Variants in CRIM1 observed in about 807,000 individuals in gnomAD.
The protein encoded by CRIM1 is cysteine rich transmembrane BMP regulator 1.
Under a neutral mutation model 116.4 loss-of-function variants are expected in CRIM1, and 32 were observed. The observed-to-expected ratio is 0.27, with a 90% CI of 0.21 to 0.37. CRIM1 has a LOEUF of 0.37. CRIM1 is among the 10% of genes least tolerant of loss of function. The pLI is 1.00. For missense variants in CRIM1, 1,331 were observed against 1,354.8 expected, an observed-to-expected ratio of 0.98 and a Z score of 0.28; for synonymous variants, 590 against 509.2, an observed-to-expected ratio of 1.16 and a Z score of -2.13.
chr2:36,423,750 A>G (rs1234233035), intron 2 of CRIM1, among the ~76,000 whole-genome samples: 1 of 152,206 alleles, frequency 6.6e-6, no homozygotes, highest in Non-Finnish European at 1.5e-5. Flanking sequence ...TTTTGTAACT[A>G]TTTAAAGGTC....
intron 2 of CRIM1, among the ~76,000 whole-genome samples, chr2:36,415,528 A>T (rs1293544724): frequency 1.3e-5 from 2 of 152,158 alleles, no homozygotes; most frequent in African/African-American, 4.8e-5. Context: ...AACACAACCC[A>T]TATCCCAATT....
chr2:36,495,475 A>ATTTTTTTTTTTTTT (rs1024205619), intron 7 of CRIM1, among the ~76,000 whole-genome samples: 1 of 129,640 alleles, frequency 7.7e-6, no homozygotes, highest in Non-Finnish European at 1.7e-5. Flanking sequence ...TTATTTATTT[A>ATTTTTTTTTTTTTT]TTTTTTTTTT....
Position 36,356,233 on chromosome 2 carries a change from G to T in CRIM1, c.-60G>T. ...GGCGGCGCGTGTGCCCCGCGCAGGG[G>T]AGGGCGCCCGCCCCGCTCCCGGCCC... On this transcript the variant is annotated 5_prime_UTR_variant, in exon 1 of 17. Coordinates refer to ENST00000280527, the MANE Select transcript of CRIM1 (RefSeq NM_016441.3). This position sits in a 1 kb window ranked among gnomAD's most constrained non-coding sequence, Gnocchi z 4.3. 2.0e-6 allele frequency: 2 copies of T among 1,020,836 alleles called. No homozygotes were observed. Among genetic ancestry groups the T allele is most frequent in the Middle Eastern group, 3.4e-4 (1 of 2,956 alleles). 63.2% of individuals were successfully genotyped at this position (1,020,836 alleles called of 1,614,324 possible). A position where few individuals can be genotyped will look rare whatever the true frequency, so the allele number is the denominator to read the frequency against.
At chr2:36,515,631 C>G (rs1664988541) in intron 11 of CRIM1, among the ~76,000 whole-genome samples, 1 of 152,180 alleles carries the variant, frequency 6.6e-6, no homozygotes, top group Non-Finnish European at 1.5e-5. Flanking sequence ...ATGATAGTGT[C>G]TCTCAGATTT....
intron 4 of CRIM1, among the ~76,000 whole-genome samples, chr2:36,460,830 G>A (rs960596204): frequency 6.6e-6 from 1 of 152,208 alleles, no homozygotes; most frequent in Non-Finnish European, 1.5e-5. Context: ...GAAAGAGGGT[G>A]CTGTAAGAAA....
intron 2 of CRIM1, among the ~76,000 whole-genome samples, chr2:36,422,067 A>G (rs993215391): frequency 1.3e-5 from 2 of 151,660 alleles, no homozygotes; most frequent in Non-Finnish European, 2.9e-5. Context: ...CTTTAAAGAA[A>G]ATGTCAAAAG....
At chr2:36,454,683 T>C (rs1677003800) in intron 4 of CRIM1, among the ~76,000 whole-genome samples, 1 of 152,208 alleles carries the variant, frequency 6.6e-6, no homozygotes. Flanking sequence ...TAGTCACTGA[T>C]ATTTAAAAAC....
At chr2:36,397,074 C>G (rs1352559077) in intron 2 of CRIM1, among the ~76,000 whole-genome samples, 2 of 152,174 alleles carry the variant, frequency 1.3e-5, no homozygotes, top group Non-Finnish European at 2.9e-5. Flanking sequence ...TGCTTGAGAT[C>G]AGCATCTGTT....
At chr2:36,531,225 C>T (rs938887368) in intron 13 of CRIM1, among the ~76,000 whole-genome samples, 1 of 152,192 alleles carries the variant, frequency 6.6e-6, no homozygotes, top group Non-Finnish European at 1.5e-5. Flanking sequence ...CACACCAAGC[C>T]TCTGACTTCA....
At chr2:36,467,812 G>A (rs368116234) in intron 5 of CRIM1, among the ~76,000 whole-genome samples, 16 of 152,158 alleles carry the variant, frequency 1.1e-4, no homozygotes, top group South Asian at 2.1e-4. Context: ...GGTCAAATAC[G>A]CTGTTCTTAT....
At chr2:36,415,781 T>A (rs987216614) in intron 2 of CRIM1, among the ~76,000 whole-genome samples, 25 of 152,232 alleles carry the variant, frequency 1.6e-4, no homozygotes, top group African/African-American at 5.8e-4. Context: ...TAGGACCTTA[T>A]TATACTTAGT....
chr2:36,360,625 G>A (rs553646014), intron 1 of CRIM1, among the ~76,000 whole-genome samples: 1 of 152,106 alleles, frequency 6.6e-6, no homozygotes, highest in South Asian at 2.1e-4. Context: ...CTTATCCCTG[G>A]AAGACAGTCA....
chr2:36,446,342 C>G (rs998323310), intron 4 of CRIM1, among the ~76,000 whole-genome samples: 2 of 152,192 alleles, frequency 1.3e-5, no homozygotes. Context: ...TCAGTTGATT[C>G]ATTCATCTAT....
At chr2:36,469,574 C>T (rs748247115) in intron 5 of CRIM1, among the ~76,000 whole-genome samples, 2 of 152,032 alleles carry the variant, frequency 1.3e-5, no homozygotes, top group African/African-American at 2.4e-5. Context: ...AAAGGGGAGC[C>T]GTACCCAGCA....
chr2:36,370,371 T>C (rs1356007532), intron 1 of CRIM1, among the ~76,000 whole-genome samples: 2 of 152,066 alleles, frequency 1.3e-5, no homozygotes, highest in East Asian at 3.9e-4. Flanking sequence ...TTGTTGGCAG[T>C]AGATGAAATT....
chr2:36,504,062 C>G (rs1681210771), intron 8 of CRIM1, among the ~76,000 whole-genome samples: 4 of 151,994 alleles, frequency 2.6e-5, no homozygotes, highest in Admixed American at 2.6e-4. Flanking sequence ...TTTGTAGAGA[C>G]AAGGTTTTGC....
intron 5 of CRIM1, among the ~76,000 whole-genome samples, chr2:36,474,829 C>T (rs1678827535): frequency 8.8e-6 from 1 of 113,424 alleles, no homozygotes; most frequent in Admixed American, 1.3e-4. Flanking sequence ...GCCTGGGTGA[C>T]AGAGTGAGAC....
In CRIM1 at chr2:36,550,050, T is replaced by TGCGC. The variant is rs1239688008; in HGVS notation, c.*1350_*1351insCGCG. The TGCGC allele has an allele frequency of 6.8e-6, 1 of 146,846 alleles. No individual in the cohort carries two copies. The highest frequency in any genetic ancestry group is 2.4e-4 in the South Asian group (1 of 4,188). 9.1% of individuals were successfully genotyped at this position (146,846 alleles called of 1,614,324 possible). ...GTGTGTGAGAGTATGTATGTGTGTGTGTGTGTGTGTGTGTGTGCGCGCGCA... is the reference window on the plus strand; with the variant it reads ...GTGTGTGAGAGTATGTATGTGTGTGTGCGCGTGTGTGTGTGTGTGTGCGCGCGCA... On this transcript the variant is annotated 3_prime_UTR_variant, in exon 17 of 17. Coordinates refer to ENST00000280527, the MANE Select transcript of CRIM1 (RefSeq NM_016441.3).
chr2:36,375,971 A>C (rs750251502), intron 1 of CRIM1, among the ~76,000 whole-genome samples: 1 of 152,220 alleles, frequency 6.6e-6, no homozygotes, highest in East Asian at 1.9e-4. Context: ...TTTGGCACCC[A>C]CCATAACCAC....
Sources: allele counts gnomAD v4.1 joint callset (sites outside exome capture counted in the v4.1 genomes callset), GRCh38; gene constraint gnomAD v4.1.1; non-coding constraint Gnocchi (gnomAD v3.1); transcripts MANE v1.5; gene names NCBI Gene and HGNC (gene_info 2026-07-23, HGNC 2026-07-21).